The following MAGI3 variants were observed in gnomAD, a reference collection of about 807,000 sequenced individuals.
MAGI3 encodes the protein membrane-associated guanylate kinase, WW and PDZ domain-containing protein 3.
Under a neutral mutation model 121.8 loss-of-function variants are expected in MAGI3, and 43 were observed. That is an observed-to-expected ratio of 0.35 (90% CI 0.28 to 0.46). The LOEUF (loss-of-function observed/expected upper bound fraction) is 0.46, where lower values mean the gene tolerates loss of function less well. Among genes scored for constraint, MAGI3 ranks in the 20% least tolerant of loss-of-function variants. The pLI, the probability that MAGI3 is intolerant of heterozygous loss-of-function variation, is 1.00. For missense variants in MAGI3, 1,547 were observed against 1,797.3 expected, an observed-to-expected ratio of 0.86 and a Z score of 2.52; for synonymous variants, 553 against 639.3, an observed-to-expected ratio of 0.86 and a Z score of 2.04.
At chr1:113,560,403 ACAAAAAAAAC>A (rs1243110399) in intron 2 of MAGI3, among the ~76,000 whole-genome samples, 1 of 149,694 alleles carries the variant, frequency 6.7e-6, no homozygotes, top group African/African-American at 2.5e-5. Flanking sequence ...ACAAAAACAA[ACAAAAAAAAC>A]CAAAAAAACA....
chr1:113,479,540 A>G (rs1204423104), intron 1 of MAGI3, among the ~76,000 whole-genome samples: 2 of 152,112 alleles, frequency 1.3e-5, no homozygotes, highest in East Asian at 3.8e-4. Flanking sequence ...CTTGTCTTTG[A>G]CATTTGAGAA....
intron 9 of MAGI3, among the ~76,000 whole-genome samples, chr1:113,641,083 G>T (rs61819458): frequency 0.02 from 344 of 17,154 alleles, 8 homozygotes; most frequent in Non-Finnish European, 0.037. Context: ...ATATATATGA[G>T]ATATATATTA....
At chr1:113,493,608 A>G (rs948815847) in intron 1 of MAGI3, among the ~76,000 whole-genome samples, 7 of 152,352 alleles carry the variant, frequency 4.6e-5, no homozygotes, top group Non-Finnish European at 1.0e-4. Context: ...AGAGTGGCAG[A>G]AAATATTTGC....
intron 9 of MAGI3, among the ~76,000 whole-genome samples, chr1:113,640,997 GAT>G (rs1227911424): frequency 2.6e-5 from 2 of 76,256 alleles, no homozygotes; most frequent in South Asian, 3.9e-4. Context: ...CACTATATAT[GAT>G]ATATATAATA....
intron 1 of MAGI3, among the ~76,000 whole-genome samples, chr1:113,542,316 C>T (rs1405798976): frequency 2.1e-5 from 3 of 145,738 alleles, no homozygotes; most frequent in Non-Finnish European, 4.5e-5. Flanking sequence ...TGACTCACAT[C>T]CCAGGCGGGA....
intron 9 of MAGI3, among the ~76,000 whole-genome samples, chr1:113,636,039 GGTA>G (rs1651996691): frequency 6.6e-6 from 1 of 152,032 alleles, no homozygotes; most frequent in Non-Finnish European, 1.5e-5. Flanking sequence ...ATTCTCTGAT[GGTA>G]GTTTGTATTT....
At chr1:113,645,824 A>C (rs994484783) in intron 11 of MAGI3, among the ~76,000 whole-genome samples, 1 of 152,240 alleles carries the variant, frequency 6.6e-6, no homozygotes, top group Non-Finnish European at 1.5e-5. Context: ...TTTCATTGTT[A>C]ACATTTTATT....
chr1:113,447,110 T>G (rs77258213), intron 1 of MAGI3, among the ~76,000 whole-genome samples: 1,782 of 152,356 alleles, frequency 0.012, 39 homozygotes, highest in African/African-American at 0.04. Flanking sequence ...TATTTAGTAC[T>G]ACTGAACTGT....
intron 1 of MAGI3, among the ~76,000 whole-genome samples, chr1:113,437,814 TC>T (rs1653658097): frequency 1.5e-4 from 1 of 6,852 alleles, no homozygotes; most frequent in Non-Finnish European, 2.5e-4. Context: ...CTTTTCTTCT[TC>T]TTCTTCTTCT....
At position 113,646,609 on chromosome 1, in the gene MAGI3, T is replaced by C; in HGVS notation, c.2122T>C (p.Tyr708His). ...CCCAAAATTGGATCCTTCTGAGGTC[T>C]ACCTGAAATCTAAGACTTTATATGA... ...GSPKLDPSEVYLKSKTLYEDK... is the reference protein window; with the variant it reads ...GSPKLDPSEVHLKSKTLYEDK... Residue 708 changes from tyrosine to histidine, a missense_variant, in exon 12 of 21, where the codon TAC becomes CAC. By Grantham distance (83) the Tyr-to-His change is moderately conservative. Transcript: ENST00000307546. The C allele has an allele frequency of 6.2e-7, 1 of 1,607,958 alleles. No individual in the cohort carries two copies. Among genetic ancestry groups the C allele is most frequent in the Non-Finnish European group, 8.5e-7 (1 of 1,177,208 alleles).
intron 9 of MAGI3, among the ~76,000 whole-genome samples, chr1:113,639,286 T>C (rs900479160): frequency 6.6e-6 from 1 of 152,246 alleles, no homozygotes; most frequent in Non-Finnish European, 1.5e-5. Flanking sequence ...ATGAACCCGG[T>C]ACCTCAGATG....
chr1:113,667,702 G>A (rs1316072225), intron 16 of MAGI3, among the ~76,000 whole-genome samples: 1 of 152,228 alleles, frequency 6.6e-6, no homozygotes, highest in Non-Finnish European at 1.5e-5. Context: ...CTTTCAGCCT[G>A]TCTCAGGTCT....
chr1:113,564,397 T>G (rs538180504), intron 2 of MAGI3, among the ~76,000 whole-genome samples: 1 of 152,314 alleles, frequency 6.6e-6, no homozygotes, highest in East Asian at 1.9e-4. Context: ...TAGTTATGGC[T>G]ACGAACACTG....
chr1:113,505,055 A>G (rs916245984), intron 1 of MAGI3, among the ~76,000 whole-genome samples: 1 of 152,070 alleles, frequency 6.6e-6, no homozygotes, highest in Non-Finnish European at 1.5e-5. Context: ...GGCAGTATGT[A>G]GCAAAAGAGA....
intron 18 of MAGI3, 126 bp from the exon 19 acceptor site, chr1:113,673,196 C>T (rs914154585): frequency 1.2e-5 from 14 of 1,162,734 alleles, no homozygotes; most frequent in Non-Finnish European, 1.7e-5. Context: ...TACATTCCTT[C>T]TTTACAATAT....
At chr1:113,527,443 G>A (rs1658503115) in intron 1 of MAGI3, among the ~76,000 whole-genome samples, 1 of 152,188 alleles carries the variant, frequency 6.6e-6, no homozygotes, top group Non-Finnish European at 1.5e-5. Flanking sequence ...TGAAGAACTA[G>A]TTAAATAGGG....
At chr1:113,618,808 T>A (rs1414304512) in intron 7 of MAGI3, among the ~76,000 whole-genome samples, 1 of 152,252 alleles carries the variant, frequency 6.6e-6, no homozygotes, top group African/African-American at 2.4e-5. Context: ...CCGGCCTCAC[T>A]TCTTTAATTA....
chr1:113,637,495 G>A (rs952763640), intron 9 of MAGI3, among the ~76,000 whole-genome samples: 11 of 152,150 alleles, frequency 7.2e-5, no homozygotes, highest in South Asian at 2.1e-4. Flanking sequence ...ATGAAGTTTA[G>A]TTTGGCTGGA....
chr1:113,465,610 A>G (rs1465484075), intron 1 of MAGI3, among the ~76,000 whole-genome samples: 1 of 152,108 alleles, frequency 6.6e-6, no homozygotes, highest in Non-Finnish European at 1.5e-5. Context: ...ACATAGTAAC[A>G]ATATTAATTC....
Sources: allele counts gnomAD v4.1 joint callset (sites outside exome capture counted in the v4.1 genomes callset), GRCh38; gene constraint gnomAD v4.1.1; transcripts MANE v1.5; gene names NCBI Gene and HGNC (gene_info 2026-07-23, HGNC 2026-07-21).